Variants in LRRC37A observed in about 807,000 individuals in gnomAD.
LRRC37A encodes the protein leucine rich repeat containing 37A, also known as leucine-rich repeat-containing protein 37A.
A neutral mutation model predicts 35.4 loss-of-function variants in LRRC37A; 3 were observed. The ratio of observed to expected loss-of-function variants is 0.08; its 90% CI spans 0.04 to 0.22. The LOEUF (loss-of-function observed/expected upper bound fraction) is 0.22, where lower values mean the gene tolerates loss of function less well. Among genes scored for constraint, LRRC37A ranks in the 10% least tolerant of loss-of-function variants. LRRC37A has a pLI of 1.00. For synonymous variants in LRRC37A, 23 were observed against 215.0 expected (o/e 0.11, Z 7.81); for missense variants, 67 against 565.3 (o/e 0.12, Z 8.94).
the LRRC37A span, among the ~76,000 whole-genome samples, chr17:46,252,497 T>C: frequency 6.8e-6 from 1 of 147,882 alleles, no homozygotes; most frequent in East Asian, 1.9e-4. Flanking sequence ...AGGTCTCTGG[T>C]TTTCCTAGGC....
the LRRC37A span, among the ~76,000 whole-genome samples, chr17:46,280,358 T>C: frequency 1.3e-5 from 2 of 151,786 alleles, no homozygotes; most frequent in Admixed American, 6.6e-5. Context: ...AGTGAGACTC[T>C]GTCTCAAAAA....
At chr17:46,286,540 T>C in the LRRC37A span, among the ~76,000 whole-genome samples, 1 of 152,244 alleles carries the variant, frequency 6.6e-6, no homozygotes, top group African/African-American at 2.4e-5. Flanking sequence ...TTAATTTCTA[T>C]GTTACATATT....
chr17:46,298,718 C>A, intron 1 of LRRC37A, among the ~76,000 whole-genome samples: 3 of 88,854 alleles, frequency 3.4e-5, no homozygotes, highest in African/African-American at 3.6e-5. Context: ...AGCAAGACTC[C>A]ATCTCAAAAA....
the LRRC37A span, among the ~76,000 whole-genome samples, chr17:46,260,785 G>A: frequency 2.0e-4 from 31 of 152,088 alleles, no homozygotes; most frequent in African/African-American, 7.2e-4. Flanking sequence ...CACCATGCCT[G>A]GCTAATTTTG....
At chr17:46,274,567 T>C in the LRRC37A span, among the ~76,000 whole-genome samples, 3 of 152,246 alleles carry the variant, frequency 2.0e-5, no homozygotes, top group Admixed American at 6.5e-5. Context: ...AAGATATGGA[T>C]GGATTATATG....
exon 7 of LRRC37A, chr17:46,322,972 G>A (rs1405862737): frequency 4.8e-6 from 2 of 418,432 alleles, no homozygotes; most frequent in Admixed American, 7.8e-5. Context: ...AACAACGCTA[G>A]TCCCACTTAC....
At chr17:46,276,547 A>G in the LRRC37A span, among the ~76,000 whole-genome samples, 1 of 152,260 alleles carries the variant, frequency 6.6e-6, no homozygotes, top group Non-Finnish European at 1.5e-5. Context: ...TGGATGGTAT[A>G]AATGATGAAT....
upstream of LRRC37A, among the ~76,000 whole-genome samples, chr17:46,287,869 C>T (rs1432672523): frequency 2.0e-5 from 3 of 152,294 alleles, no homozygotes; most frequent in East Asian, 3.9e-4. Context: ...TAATAAAAGA[C>T]GTAATGACAA....
chr17:46,285,744 C>T, the LRRC37A span, among the ~76,000 whole-genome samples: 1 of 152,300 alleles, frequency 6.6e-6, no homozygotes, highest in African/African-American at 2.4e-5. Context: ...TGAAGTTTGT[C>T]AAGCCCTTCA....
chr17:46,266,616 G>C, the LRRC37A span, among the ~76,000 whole-genome samples: 2 of 152,216 alleles, frequency 1.3e-5, no homozygotes, highest in African/African-American at 4.8e-5. Flanking sequence ...TGGGAACCCT[G>C]TCTGCAAAAA....
In LRRC37A at chr17:46,308,594, T is replaced by C. The variant is rs1235622564; in HGVS notation, c.2906+2285T>C. ...AGTGTATGTTAGGGGCTGGGCTCCG[T>C]TGGAGTCAAATCTTCCTGGTAAACA... On this transcript the variant is annotated intron_variant, in intron 5 of 13. Coordinates refer to ENST00000320254, the Ensembl canonical transcript of LRRC37A. Among the ~76,000 whole-genome samples the C allele has an allele frequency of 2.5e-5, 2 of 78,720 alleles. 1 individual carries two copies. Among genetic ancestry groups the C allele is most frequent in the Non-Finnish European group, 7.6e-5 (2 of 26,320 alleles). The allele number at this position is 78,720 out of a possible 152,430, so 51.6% of individuals were successfully genotyped here.
the LRRC37A span, among the ~76,000 whole-genome samples, chr17:46,279,500 C>CTTTTTTT: frequency 4.1e-5 from 5 of 122,422 alleles, no homozygotes; most frequent in South Asian, 2.5e-4. Flanking sequence ...TTCTTTCTTT[C>CTTTTTTT]TTTTTTTTTT....
At chr17:46,270,690 CA>C in the LRRC37A span, among the ~76,000 whole-genome samples, 2 of 152,188 alleles carry the variant, frequency 1.3e-5, no homozygotes, top group Non-Finnish European at 2.9e-5. Context: ...GGGTGGATCA[CA>C]AGGTCAGGAG....
the LRRC37A span, among the ~76,000 whole-genome samples, chr17:46,266,365 C>A: frequency 6.6e-5 from 10 of 152,142 alleles, no homozygotes; most frequent in African/African-American, 2.2e-4. Flanking sequence ...GTGATGCTAT[C>A]CTCGCCCGCA....
the LRRC37A span, among the ~76,000 whole-genome samples, chr17:46,255,792 C>T: frequency 6.6e-6 from 1 of 151,996 alleles, no homozygotes; most frequent in Non-Finnish European, 1.5e-5. Flanking sequence ...TCTCCTGCCT[C>T]AGCCTCCCGA....
the LRRC37A span, among the ~76,000 whole-genome samples, chr17:46,271,760 C>T: frequency 6.6e-6 from 1 of 152,210 alleles, no homozygotes; most frequent in African/African-American, 2.4e-5. Context: ...AAAATATCTC[C>T]AAAAGTTCAC....
the LRRC37A span, chr17:46,260,620 C>CTT: frequency 0.12 from 125,933 of 1,039,044 alleles, 2,477 homozygotes; most frequent in East Asian, 0.29. Context: ...TCTCTATTCT[C>CTT]TTTTTTTTTT....
At chr17:46,269,442 G>A in the LRRC37A span, among the ~76,000 whole-genome samples, 1 of 152,218 alleles carries the variant, frequency 6.6e-6, no homozygotes, top group Non-Finnish European at 1.5e-5. Flanking sequence ...TGAGGCAGGA[G>A]AATCACTTGA....
chr17:46,290,924 G>A (rs777800176), upstream of LRRC37A, among the ~76,000 whole-genome samples: 8 of 152,202 alleles, frequency 5.3e-5, no homozygotes, highest in Admixed American at 3.3e-4. Context: ...CTCTTTTTCT[G>A]CAGGGTAACC....
Sources: allele counts gnomAD v4.1 joint callset (sites outside exome capture counted in the v4.1 genomes callset), GRCh38; gene constraint gnomAD v4.1.1; transcripts MANE v1.5; gene names NCBI Gene and HGNC (gene_info 2026-07-23, HGNC 2026-07-21).